DGAT1: variants seen among roughly 807,000 people sequenced by gnomAD.
The protein encoded by DGAT1 is ACAT related gene product 1.
Under a neutral mutation model 72.6 loss-of-function variants are expected in DGAT1, and 60 were observed. That is an observed-to-expected ratio of 0.83 (90% confidence interval 0.67 to 1.02). DGAT1 has a LOEUF of 1.02. DGAT1 is among the 50% of genes least tolerant of loss of function. The pLI, the probability that DGAT1 is intolerant of heterozygous loss-of-function variation, is 0.00. For synonymous variants in DGAT1, 290 were observed against 267.5 expected, an observed-to-expected ratio of 1.08 and a Z score of -0.82; for missense variants, 592 against 670.0, an observed-to-expected ratio of 0.88 and a Z score of 1.29.
chr8:144,316,386 C>T lies in DGAT1; in HGVS notation c.*168G>A. On this transcript the variant is annotated 3_prime_UTR_variant, in exon 17 of 17. Coordinates refer to ENST00000528718, the MANE Select transcript of DGAT1 (RefSeq NM_012079.6). ...ACTGTGTCTGGCCTGCTGTCGCCATCCCTGAGGGGTGCAGGACAGAGCCCC... is the reference window on the plus strand; with the variant it reads ...ACTGTGTCTGGCCTGCTGTCGCCATTCCTGAGGGGTGCAGGACAGAGCCCC... The T allele has an allele frequency of 2.3e-6, 2 of 866,158 alleles. No homozygotes were observed. Among genetic ancestry groups the T allele is most frequent in the Non-Finnish European group, 3.4e-6 (2 of 582,700 alleles). The allele number at this position is 866,158 out of a possible 1,614,324, so 53.7% of individuals were successfully genotyped here.
intron 1 of DGAT1, among the ~76,000 whole-genome samples, chr8:144,323,304 T>G (rs982640235): frequency 1.3e-5 from 2 of 152,028 alleles, no homozygotes; most frequent in Non-Finnish European, 2.9e-5. Context: ...ACACAAGCTT[T>G]CTCAGGGGCC....
intron 2 of DGAT1, 125 bp from the exon 3 acceptor site, chr8:144,319,193 G>T: frequency 9.1e-7 from 1 of 1,101,766 alleles, no homozygotes; most frequent in Non-Finnish European, 1.3e-6. Flanking sequence ...CAGGCTTGCA[G>T]ACCCAGCCCT....
chr8:144,322,907 G>C (rs1817496704), intron 1 of DGAT1, among the ~76,000 whole-genome samples: 2 of 152,082 alleles, frequency 1.3e-5, no homozygotes, highest in Non-Finnish European at 2.9e-5. Flanking sequence ...ACCGCCCTTG[G>C]CTCATCTCCC....
rs1255610028 is a variant in DGAT1 at position 144,315,561 on chromosome 8, G to A, written c.*993C>T. 6.1e-6 allele frequency: 6 copies of A among 985,438 alleles called. No homozygotes were observed. The highest frequency in any genetic ancestry group is 6.0e-6 in the Non-Finnish European group (5 of 830,026). 61.0% of individuals were successfully genotyped at this position (985,438 alleles called of 1,614,324 possible). A position where few individuals can be genotyped will look rare whatever the true frequency, so the allele number is the denominator to read the frequency against. ...CCCCAGCAAGGTAAGGCAGCAGCAG[G>A]GCCCTGGGGTTACCCCTGACCTCCC... On this transcript the variant is annotated 3_prime_UTR_variant, in exon 17 of 17. Coordinates refer to ENST00000528718, the MANE Select transcript of DGAT1 (RefSeq NM_012079.6).
At chr8:144,320,666 C>T (rs1817425360) in intron 2 of DGAT1, among the ~76,000 whole-genome samples, 1 of 152,044 alleles carries the variant, frequency 6.6e-6, no homozygotes, top group African/African-American at 2.4e-5. Context: ...GTGGGGCTGG[C>T]AGCCCCACCC....
Position 144,317,266 on chromosome 8 carries a change from G to A in DGAT1, c.1095-14C>T. 6.2e-7 allele frequency: 1 copy of A among 1,611,018 alleles called. No individual in the cohort carries two copies. The highest frequency in any genetic ancestry group is 8.5e-7 in the Non-Finnish European group (1 of 1,177,910). ...GACTCGGAGTTCCTGGGGGCCAAGA[G>A]ACCACAGGGGGATCAGAGCACACCA... On this transcript the variant is annotated splice_polypyrimidine_tract_variant and intron_variant, in intron 13 of 16. Transcript: ENST00000528718.
chr8:144,314,835 ATGCTTGCAGCTAGCTCCG>A lies in DGAT1; in HGVS notation c.*1701_*1718del. On this transcript the variant is annotated 3_prime_UTR_variant, in exon 17 of 17. Coordinates refer to ENST00000528718, the MANE Select transcript of DGAT1 (RefSeq NM_012079.6). ...GCAGTGGCCTCCTGGGGGAAGACGGATGCTTGCAGCTAGCTCCGTGCCTGCCCGACTCCCCAGGACCAG... is the reference window on the plus strand; with the variant it reads ...GCAGTGGCCTCCTGGGGGAAGACGGATGCCTGCCCGACTCCCCAGGACCAG... 1 of 916,736 alleles carries A rather than the reference ATGCTTGCAGCTAGCTCCG, an allele frequency of 1.1e-6. No homozygotes were observed. The highest frequency in any genetic ancestry group is 1.3e-6 in the Non-Finnish European group (1 of 765,586). The allele number at this position is 916,736 out of a possible 1,614,324, so 56.8% of individuals were successfully genotyped here.
At position 144,317,338 on chromosome 8, in the gene DGAT1, G is replaced by C; in HGVS notation, c.1089C>G (p.Asp363Glu). Residue 363 changes from aspartate to glutamate, a missense_variant, in exon 13 of 17, where the codon GAC (aspartate) becomes GAG (glutamate). Coordinates refer to ENST00000528718, the MANE Select transcript of DGAT1 (RefSeq NM_012079.6). ...MQFGDREFYR[D>E]WWNSESVTYF... ...GACACCCCAGGGACACTCACCACCA[G>C]TCCCGGTAGAACTCCCGGTCTCCAA... 1 of 1,613,766 alleles carries C rather than the reference G, an allele frequency of 6.2e-7. No individual in the cohort carries two copies. Among genetic ancestry groups the C allele is most frequent in the Non-Finnish European group, 8.5e-7 (1 of 1,179,932 alleles).
chr8:144,326,288 G>T, intron 1 of DGAT1, 149 bp downstream of exon 1: 1 of 750,260 alleles, frequency 1.3e-6, no homozygotes, highest in Non-Finnish European at 1.8e-6. Context: ...CTCTCCCCAA[G>T]CCTCAGTTTC....
rs782237918 is a variant in DGAT1 at position 144,317,568 on chromosome 8, G to A, written c.957C>T (p.Ile319=). 5 of 1,613,914 alleles carry A rather than the reference G, an allele frequency of 3.1e-6. No homozygotes were observed. Among genetic ancestry groups the A allele is most frequent in the Admixed American group, 1.7e-5 (1 of 60,024 alleles). The change falls in exon 12 of 17, where the codon ATC becomes ATT. Residue 319 remains isoleucine, a synonymous_variant. Coordinates refer to ENST00000528718, the MANE Select transcript of DGAT1 (RefSeq NM_012079.6). ...KPFKDMDYSR[I]IERLLKLAVP... Reference sequence around the variant, plus strand: ...CCGCCAGCTTCAGGAGGCGCTCGATGATGCGTGAGTAGTCCATGTCCTGCA... The same window carrying A: ...CCGCCAGCTTCAGGAGGCGCTCGATAATGCGTGAGTAGTCCATGTCCTGCA...
Position 144,315,543 on chromosome 8 carries a change from A to G in DGAT1, c.*1011T>C. The G allele has an allele frequency of 1.0e-6, 1 of 985,504 alleles. No homozygotes were observed. Among genetic ancestry groups the G allele is most frequent in the Non-Finnish European group, 1.2e-6 (1 of 829,996 alleles). 61.0% of individuals were successfully genotyped at this position (985,504 alleles called of 1,614,324 possible). ...TCTTTAATCAAGCAGTCACCCCAGCAAGGTAAGGCAGCAGCAGGGCCCTGG... is the reference window on the plus strand; with the variant it reads ...TCTTTAATCAAGCAGTCACCCCAGCGAGGTAAGGCAGCAGCAGGGCCCTGG... On this transcript the variant is annotated 3_prime_UTR_variant, in exon 17 of 17. Transcript: ENST00000528718.
chr8:144,326,488 G>C lies in DGAT1; in HGVS notation c.149C>G (p.Ala50Gly). The change falls in exon 1 of 17, where the codon GCC becomes GGC. Residue 50 changes from alanine to glycine, a missense_variant. By Grantham distance (60) the Ala-to-Gly change is moderately conservative. Coordinates refer to ENST00000528718, the MANE Select transcript of DGAT1 (RefSeq NM_012079.6). ...VGAAGDAPAP[A>G]PNKDGDAGVG... Reference sequence around the variant, plus strand: ...GCCGGCGTCTCCGTCCTTGTTGGGGGCCGGGGCTGGCGCGTCCCCCGCGGC... The same window carrying C: ...GCCGGCGTCTCCGTCCTTGTTGGGGCCCGGGGCTGGCGCGTCCCCCGCGGC... The C allele has an allele frequency of 7.6e-7, 1 of 1,311,542 alleles. No homozygotes were observed. 81.2% of individuals were successfully genotyped at this position (1,311,542 alleles called of 1,614,324 possible).
At chr8:144,324,249 C>T (rs62530376) in intron 1 of DGAT1, among the ~76,000 whole-genome samples, 1 of 152,000 alleles carries the variant, frequency 6.6e-6, no homozygotes, top group African/African-American at 2.4e-5. Context: ...GGAGGAGGCC[C>T]GAGCTCAAGG....
At chr8:144,317,154 G>A in intron 14 of DGAT1, 33 bp downstream of exon 14, 3 of 1,610,652 alleles carry the variant, frequency 1.9e-6, no homozygotes, top group Non-Finnish European at 1.7e-6. Context: ...TCACAGCCAT[G>A]TTCCACATCA....
At chr8:144,321,268 GGACA>G in intron 2 of DGAT1, 49 bp downstream of exon 2, 1 of 1,562,394 alleles carries the variant, frequency 6.4e-7, no homozygotes, top group South Asian at 1.1e-5. Context: ...GGCCAGCCTG[GGACA>G]GAGCCCCACC....
intron 1 of DGAT1, among the ~76,000 whole-genome samples, chr8:144,325,078 G>T (rs933251527): frequency 1.3e-4 from 19 of 150,766 alleles, no homozygotes; most frequent in African/African-American, 4.4e-4. Context: ...AAAAAGAAAA[G>T]AAAAAAAAAG....
chr8:144,326,421 T>A lies in DGAT1; in HGVS notation c.200+16A>T. ...GGCCCTTGGGTCAGAGGTTAGGGGG[T>A]CAGGCGCTCCGCTACCTCAGCTCCC... is the stretch of plus-strand genomic sequence containing the variant. On this transcript the variant is annotated intron_variant, in intron 1 of 16. Transcript: ENST00000528718. 1 of 1,387,024 alleles carries A rather than the reference T, an allele frequency of 7.2e-7. No homozygotes were observed. The highest frequency in any genetic ancestry group is 9.4e-7 in the Non-Finnish European group (1 of 1,060,038). The allele number at this position is 1,387,024 out of a possible 1,614,324, so 85.9% of individuals were successfully genotyped here. A position where few individuals can be genotyped will look rare whatever the true frequency, so the allele number is the denominator to read the frequency against.
chr8:144,316,162 G>A lies in DGAT1; in HGVS notation c.*392C>T, dbSNP rs571787794. 3.9e-5 allele frequency: 8 copies of A among 207,142 alleles called. No individual in the cohort carries two copies. Among genetic ancestry groups the A allele is most frequent in the Non-Finnish European group, 6.8e-5 (7 of 103,142 alleles). The allele number at this position is 207,142 out of a possible 1,614,324, so 12.8% of individuals were successfully genotyped here. On this transcript the variant is annotated 3_prime_UTR_variant, in exon 17 of 17. Transcript: ENST00000528718. ...TGCACTCCCCCTACCGGCCATGCCC[G>A]CCCTGCTGCAGTGGAGCTGCTGCTC...
chr8:144,315,480 C>T lies in DGAT1; in HGVS notation c.*1074G>A, dbSNP rs2130502288. ...CACCTGCCTTGTTGGGCCATAGCTG[C>T]AGGTCTGGGGACACCAGGGCCTGGT... On this transcript the variant is annotated 3_prime_UTR_variant, in exon 17 of 17. Transcript: ENST00000528718. 2.0e-6 allele frequency: 2 copies of T among 985,606 alleles called. No individual in the cohort carries two copies. The highest frequency in any genetic ancestry group is 2.4e-6 in the Non-Finnish European group (2 of 830,042). 61.1% of individuals were successfully genotyped at this position (985,606 alleles called of 1,614,324 possible).
Sources: allele counts gnomAD v4.1 joint callset (sites outside exome capture counted in the v4.1 genomes callset), GRCh38; gene constraint gnomAD v4.1.1; transcripts MANE v1.5; gene names NCBI Gene and HGNC (gene_info 2026-07-23, HGNC 2026-07-21).